The following PSMA3 variants were observed in gnomAD, a reference collection of about 807,000 sequenced individuals.
The protein encoded by PSMA3 is proteasome 20S subunit alpha 3, also known as proteasome subunit alpha type-3.
A neutral mutation model predicts 40.0 loss-of-function variants in PSMA3; 8 were observed. That is an observed-to-expected ratio of 0.20 (90% CI 0.12 to 0.36). PSMA3 has a LOEUF of 0.36. Among genes scored for constraint, PSMA3 ranks in the 10% least tolerant of loss-of-function variants. The probability of loss-of-function intolerance (pLI) is 1.00; values close to 1 mark genes in which losing one functional copy is unlikely to be tolerated. For synonymous variants in PSMA3, 110 were observed against 100.0 expected (o/e 1.10, Z -0.59); for missense variants, 219 against 310.6 (o/e 0.70, Z 2.22).
chr14:58,263,199 G>A (rs866901217), intron 6 of PSMA3, among the ~76,000 whole-genome samples: 22 of 151,940 alleles, frequency 1.4e-4, no homozygotes, highest in African/African-American at 5.3e-4. Flanking sequence ...TGGCCAGGCC[G>A]GTCTCCAACT....
intron 7 of PSMA3, chr14:58,265,580 T>G (rs1449276288): frequency 6.6e-6 from 1 of 152,226 alleles, no homozygotes; most frequent in African/African-American, 2.4e-5. Flanking sequence ...GCTAATAAAC[T>G]TGAAAATATT....
At chr14:58,252,697 A>C (rs143511801) in intron 3 of PSMA3, among the ~76,000 whole-genome samples, 1 of 152,212 alleles carries the variant, frequency 6.6e-6, no homozygotes, top group Non-Finnish European at 1.5e-5. Context: ...TAAGTTATTC[A>C]TGCAGCTGGT....
intron 3 of PSMA3, among the ~76,000 whole-genome samples, chr14:58,255,853 T>C (rs1890131805): frequency 6.6e-6 from 1 of 150,710 alleles, no homozygotes; most frequent in African/African-American, 2.4e-5. Flanking sequence ...ACTGCAATTC[T>C]GTTTTTGTTT....
At chr14:58,267,862 G>T in intron 8 of PSMA3, 1 of 167,448 alleles carries the variant, frequency 6.0e-6, no homozygotes, top group Non-Finnish European at 1.2e-5. Context: ...TTGTAAGAAT[G>T]CTTACAAACT....
At chr14:58,268,940 CTT>C (rs200715859) in intron 8 of PSMA3, 3 of 147,136 alleles carry the variant, frequency 2.0e-5, no homozygotes, top group South Asian at 4.3e-4. Flanking sequence ...TAATTTGATA[CTT>C]TTTTTTTTTT....
intron 10 of PSMA3, 152 bp downstream of exon 10, chr14:58,271,150 T>C (rs1311572969): frequency 6.5e-6 from 3 of 460,980 alleles, no homozygotes; most frequent in Admixed American, 4.2e-5. Context: ...TGTTGAATAA[T>C]ATAAATAGAC....
At chr14:58,266,246 T>G (rs1460300359) in intron 7 of PSMA3, 1 of 152,214 alleles carries the variant, frequency 6.6e-6, no homozygotes, top group Non-Finnish European at 1.5e-5. Flanking sequence ...CCTCATGTGG[T>G]TGTGCAGGCA....
At chr14:58,267,646 A>AT (rs1277468640) in intron 8 of PSMA3, 126 bp downstream of exon 8, 1 of 1,275,786 alleles carries the variant, frequency 7.8e-7, no homozygotes, top group East Asian at 3.2e-5. Flanking sequence ...TAGAAGGTAA[A>AT]TTTAACATTC....
At chr14:58,263,155 T>C (rs528693384) in intron 6 of PSMA3, among the ~76,000 whole-genome samples, 17 of 152,136 alleles carry the variant, frequency 1.1e-4, no homozygotes, top group African/African-American at 3.9e-4. Flanking sequence ...GCTAATTTTT[T>C]TGTATTTTTA....
chr14:58,246,113 G>A (rs547827350), intron 1 of PSMA3, among the ~76,000 whole-genome samples: 1 of 152,288 alleles, frequency 6.6e-6, no homozygotes, highest in Admixed American at 6.5e-5. Flanking sequence ...TCAGGAAACA[G>A]ACTCAGAAAG....
intron 2 of PSMA3, among the ~76,000 whole-genome samples, chr14:58,249,973 C>G (rs550853546): frequency 6.6e-6 from 1 of 152,070 alleles, no homozygotes; most frequent in South Asian, 2.1e-4. Flanking sequence ...AATCCTAGCA[C>G]TTTGGGAGGC....
rs756843301 is a variant in PSMA3, at chr14:58,247,779, T to C, written c.51T>C (p.Pro17=). The change falls in exon 2 of 11, where the codon CCT becomes CCC. Residue 17 remains proline (P), a synonymous_variant. Coordinates refer to ENST00000216455, the MANE Select transcript of PSMA3 (RefSeq NM_002788.4). The stretch of plus-strand genomic sequence containing the variant: ...ACCTGTCAGCCTCTACATTCTCTCC[T>C]GACGGAAGAGTTTTTCAAGTTGAAT... ...GYDLSASTFS[P]DGRVFQVEYA... The C allele has an allele frequency of 9.9e-6, 16 of 1,608,928 alleles. No individual in the cohort carries two copies. In the Admixed American group the frequency reaches 2.7e-4, roughly 27 times the overall value.
chr14:58,253,768 A>G (rs1890069046), intron 3 of PSMA3, among the ~76,000 whole-genome samples: 1 of 151,906 alleles, frequency 6.6e-6, no homozygotes, highest in Admixed American at 6.6e-5. Context: ...TAATTTTTGT[A>G]TTTTTAGTAG....
intron 8 of PSMA3, chr14:58,268,909 G>A (rs1313443748): frequency 6.6e-6 from 1 of 152,004 alleles, no homozygotes; most frequent in Non-Finnish European, 1.5e-5. Context: ...ATTAGATAAA[G>A]CTATACTCTG....
intron 3 of PSMA3, among the ~76,000 whole-genome samples, chr14:58,254,526 T>C (rs1594825999): frequency 1.3e-5 from 2 of 150,794 alleles, no homozygotes; most frequent in African/African-American, 4.9e-5. Flanking sequence ...TTAAGAGATA[T>C]GATCTTGCTG....
chr14:58,248,393 A>G (rs981021566), intron 2 of PSMA3, among the ~76,000 whole-genome samples: 8 of 151,638 alleles, frequency 5.3e-5, no homozygotes, highest in Non-Finnish European at 1.2e-4. Context: ...CCATGCCCGG[A>G]TAATTTTTGC....
intron 5 of PSMA3, among the ~76,000 whole-genome samples, chr14:58,259,881 T>C: frequency 6.6e-6 from 1 of 152,056 alleles, no homozygotes; most frequent in East Asian, 1.9e-4. Flanking sequence ...ATGATACTGA[T>C]GTAGGAAGGG....
Position 58,271,844 on chromosome 14 carries a change from T to C in PSMA3, c.724-7T>C, listed in dbSNP as rs1384877506. On this transcript the variant is annotated splice_polypyrimidine_tract_variant and splice_region_variant and intron_variant, in intron 10 of 10. Coordinates refer to ENST00000216455, the MANE Select transcript of PSMA3 (RefSeq NM_002788.4). ...ATCAATTTTAAACACCTGTTTTCTC[T>C]TAACAGGAATCTCTGAAGGAAGAAG... The C allele has an allele frequency of 5.0e-6, 8 of 1,593,924 alleles. No homozygotes were observed. Among genetic ancestry groups the C allele is most frequent in the Non-Finnish European group, 6.9e-6 (8 of 1,162,404 alleles).
At chr14:58,248,526 C>A (rs1413040794) in intron 2 of PSMA3, among the ~76,000 whole-genome samples, 2 of 152,102 alleles carry the variant, frequency 1.3e-5, no homozygotes, top group African/African-American at 2.4e-5. Flanking sequence ...TCGTTGATTA[C>A]AAAGAGCTGG....
Sources: gnomAD v4.1 joint callset for allele counts (sites outside exome capture counted in the v4.1 genomes callset) on GRCh38, gnomAD v4.1.1 for gene constraint, MANE v1.5 for transcripts, NCBI Gene and HGNC (gene_info 2026-07-23, HGNC 2026-07-21) for gene names.